Variants in NKAIN2 observed in about 807,000 individuals in gnomAD.
The protein encoded by NKAIN2 is sodium/potassium-transporting ATPase subunit beta-1-interacting protein 2.
A neutral mutation model predicts 32.6 loss-of-function variants in NKAIN2; 14 were observed. That is an observed-to-expected ratio of 0.43 (90% CI 0.28 to 0.67). NKAIN2 has a LOEUF of 0.67. NKAIN2 is among the 30% of genes least tolerant of loss of function. The pLI is 0.17. For missense variants in NKAIN2, 198 were observed against 258.3 expected (o/e 0.77, Z 1.60); for synonymous variants, 80 against 87.2 (o/e 0.92, Z 0.46).
At position 124,231,637 on chromosome 6, in the gene NKAIN2, G is replaced by A. The variant is rs140353892; in HGVS notation, c.55-51368G>A. Among the ~76,000 whole-genome samples the A allele has an allele frequency of 8.5e-5, 13 of 152,166 alleles. No individual in the cohort carries two copies. The East Asian group carries it at 1.9e-3, about 23-fold the overall frequency. ...TTACGAAATCTGATGTTTTAAAAAT[G>A]GGAGTTTCCCTGCACAAGCTCTCTT... is the stretch of plus-strand genomic sequence containing the variant. On this transcript the variant is annotated intron_variant, in intron 1 of 6. Coordinates refer to ENST00000368417, the MANE Select transcript of NKAIN2 (RefSeq NM_001040214.3).
intron 5 of NKAIN2, among the ~76,000 whole-genome samples, chr6:124,792,507 A>G (rs1779792541): frequency 6.6e-6 from 1 of 152,144 alleles, no homozygotes; most frequent in African/African-American, 2.4e-5. Context: ...GTGCTGTGTC[A>G]GCCTTTGGAG....
intron 1 of NKAIN2, among the ~76,000 whole-genome samples, chr6:123,808,491 TC>T (rs1236392717): frequency 2.6e-5 from 4 of 152,252 alleles, no homozygotes; most frequent in African/African-American, 9.6e-5. Flanking sequence ...TAATTTATTC[TC>T]ACTGTAATTC....
intron 2 of NKAIN2, among the ~76,000 whole-genome samples, chr6:124,287,804 G>C (rs562934442): frequency 3.3e-5 from 5 of 152,074 alleles, no homozygotes; most frequent in Non-Finnish European, 7.4e-5. Context: ...TAATGTTAAG[G>C]AGCTGCACTG....
chr6:124,260,123 A>G (rs1046003599), intron 1 of NKAIN2, among the ~76,000 whole-genome samples: 1 of 152,176 alleles, frequency 6.6e-6, no homozygotes, highest in Non-Finnish European at 1.5e-5. Flanking sequence ...CCAAAAAATC[A>G]TTTTCATAAT....
intron 3 of NKAIN2, among the ~76,000 whole-genome samples, chr6:124,361,027 G>A (rs1378447879): frequency 6.6e-6 from 1 of 152,056 alleles, no homozygotes; most frequent in African/African-American, 2.4e-5. Flanking sequence ...CAAATAGAGA[G>A]AAATAAGAAC....
intron 4 of NKAIN2, among the ~76,000 whole-genome samples, chr6:124,768,547 C>G (rs1778611024): frequency 6.6e-6 from 1 of 152,124 alleles, no homozygotes; most frequent in Non-Finnish European, 1.5e-5. Context: ...CCATCCTAAT[C>G]CTACAGTGTT....
intron 1 of NKAIN2, among the ~76,000 whole-genome samples, chr6:124,248,525 G>C (rs183731956): frequency 6.6e-6 from 1 of 151,710 alleles, no homozygotes; most frequent in Non-Finnish European, 1.5e-5. Flanking sequence ...TTTTTAAAAG[G>C]CTCTCTTAAT....
chr6:124,311,012 CT>C (rs771134963), intron 2 of NKAIN2, among the ~76,000 whole-genome samples: 1 of 152,168 alleles, frequency 6.6e-6, no homozygotes, highest in Non-Finnish European at 1.5e-5. Context: ...TGTTTGAAGA[CT>C]TTCAAATTTC....
At chr6:123,804,563 A>G (rs1773135162) in intron 1 of NKAIN2, among the ~76,000 whole-genome samples, 1 of 152,176 alleles carries the variant, frequency 6.6e-6, no homozygotes, top group African/African-American at 2.4e-5. Flanking sequence ...ATTCCTATTC[A>G]TGTAACAACG....
At chr6:124,424,856 C>T (rs1774914333) in intron 3 of NKAIN2, among the ~76,000 whole-genome samples, 1 of 152,088 alleles carries the variant, frequency 6.6e-6, no homozygotes, top group Non-Finnish European at 1.5e-5. Context: ...GTGAATAATA[C>T]TGCAATGAAC....
intron 1 of NKAIN2, among the ~76,000 whole-genome samples, chr6:124,107,926 A>G (rs1257655504): frequency 6.6e-6 from 1 of 152,138 alleles, no homozygotes; most frequent in Non-Finnish European, 1.5e-5. Context: ...CTACTCATCC[A>G]TCAATGGACC....
In NKAIN2 at chr6:123,904,599, A is replaced by T. The variant is rs184224003; in HGVS notation, c.54+100345A>T. Among the ~76,000 whole-genome samples the T allele has an allele frequency of 2.0e-5, 3 of 152,328 alleles. No individual in the cohort carries two copies. The East Asian group carries it at 5.8e-4, about 29-fold the overall frequency. On this transcript the variant is annotated intron_variant, in intron 1 of 6. Transcript: ENST00000368417. ...TTGCAGCACTGGATGTTTTTCTCCA[A>T]AAGTGTTATACATGGAAGGGGAAGG...
intron 1 of NKAIN2, among the ~76,000 whole-genome samples, chr6:123,998,558 A>T (rs1202021065): frequency 6.6e-6 from 1 of 152,086 alleles, no homozygotes; most frequent in African/African-American, 2.4e-5. Context: ...AAATCAAGAC[A>T]TCTTTCGTAA....
At chr6:124,558,948 T>TCAAACAAACAAA (rs3053603) in intron 3 of NKAIN2, among the ~76,000 whole-genome samples, 5 of 150,020 alleles carry the variant, frequency 3.3e-5, no homozygotes, top group Non-Finnish European at 5.9e-5. Context: ...AAACTCCATC[T>TCAAACAAACAAA]CAAACAAACA....
chr6:124,397,818 C>T (rs1361732365), intron 3 of NKAIN2, among the ~76,000 whole-genome samples: 3 of 151,860 alleles, frequency 2.0e-5, no homozygotes, highest in Non-Finnish European at 4.4e-5. Flanking sequence ...TTTCAGTGGT[C>T]AAGAGGGAAT....
At chr6:124,386,511 A>G (rs1028826381) in intron 3 of NKAIN2, among the ~76,000 whole-genome samples, 1 of 152,286 alleles carries the variant, frequency 6.6e-6, no homozygotes, top group East Asian at 1.9e-4. Flanking sequence ...TTGAAGAAAT[A>G]CTTCAGGATC....
chr6:123,908,602 G>A (rs1035520041), intron 1 of NKAIN2, among the ~76,000 whole-genome samples: 8 of 152,060 alleles, frequency 5.3e-5, no homozygotes, highest in Non-Finnish European at 1.2e-4. Flanking sequence ...AATTCAGAGT[G>A]GTTTATTCTT....
At chr6:123,851,057 G>T (rs568124269) in intron 1 of NKAIN2, among the ~76,000 whole-genome samples, 9 of 151,596 alleles carry the variant, frequency 5.9e-5, no homozygotes, top group African/African-American at 2.2e-4. Flanking sequence ...ATTCCATTGC[G>T]TATAGATATC....
intron 4 of NKAIN2, among the ~76,000 whole-genome samples, chr6:124,739,584 T>G (rs145722460): frequency 6.6e-6 from 1 of 151,868 alleles, no homozygotes; most frequent in East Asian, 1.9e-4. Context: ...TCTGTTATCA[T>G]TGTAGCATGT....
Sources: allele counts gnomAD v4.1 joint callset (sites outside exome capture counted in the v4.1 genomes callset), GRCh38; gene constraint gnomAD v4.1.1; transcripts MANE v1.5; gene names NCBI Gene and HGNC (gene_info 2026-07-23, HGNC 2026-07-21).